Variants in NVL observed in about 807,000 individuals in gnomAD.
NVL encodes nuclear valosin-containing protein-like.
Under a neutral mutation model 110.2 loss-of-function variants are expected in NVL, and 84 were observed. That is an observed-to-expected ratio of 0.76 (90% confidence interval 0.64 to 0.91). NVL has a LOEUF of 0.91. NVL is among the 40% of genes least tolerant of loss of function. The pLI is 0.00. For missense variants in NVL, 882 were observed against 1,035.9 expected (o/e 0.85, Z 2.04); for synonymous variants, 354 against 361.1 (o/e 0.98, Z 0.22).
At chr1:224,280,360 C>T (rs1666204807) in intron 16 of NVL, among the ~76,000 whole-genome samples, 1 of 152,052 alleles carries the variant, frequency 6.6e-6, no homozygotes, top group Non-Finnish European at 1.5e-5. Flanking sequence ...AACATCCAAA[C>T]TTTAGCTTGG....
At chr1:224,266,294 C>T (rs1277360298) in intron 18 of NVL, among the ~76,000 whole-genome samples, 1 of 152,176 alleles carries the variant, frequency 6.6e-6, no homozygotes, top group Non-Finnish European at 1.5e-5. Flanking sequence ...TTTTGCTATA[C>T]AAAATGCTTT....
intron 18 of NVL, among the ~76,000 whole-genome samples, chr1:224,252,612 T>A (rs1662629678): frequency 6.6e-6 from 1 of 152,198 alleles, no homozygotes; most frequent in Non-Finnish European, 1.5e-5. Context: ...ATACTTATTA[T>A]TCAATGGTTT....
intron 18 of NVL, among the ~76,000 whole-genome samples, chr1:224,259,550 C>T (rs1014981109): frequency 1.3e-5 from 2 of 152,168 alleles, no homozygotes; most frequent in Non-Finnish European, 2.9e-5. Flanking sequence ...AGACTAGCAA[C>T]ACTATAAATA....
chr1:224,327,049 G>A (rs1383044936), intron 1 of NVL, among the ~76,000 whole-genome samples: 1 of 152,146 alleles, frequency 6.6e-6, no homozygotes, highest in East Asian at 1.9e-4. Context: ...AGGCCAAGGT[G>A]GGAGATCGCT....
At position 224,289,744 on chromosome 1, in the gene NVL, G is replaced by A. The variant is rs781351384; in HGVS notation, c.1326-11C>T. 172 of 1,590,908 alleles carry A rather than the reference G, an allele frequency of 1.1e-4. No individual in the cohort carries two copies. The highest frequency in any genetic ancestry group is 1.2e-4 in the Non-Finnish European group (145 of 1,167,202). ...AATGTTTGAAGTATTCTGTAGAAAA[G>A]ACAGGGGAAAAAATTTCTGATTCCT... On this transcript the variant is annotated splice_polypyrimidine_tract_variant and intron_variant, in intron 12 of 22. Transcript: ENST00000281701.
At chr1:224,294,246 C>T in intron 12 of NVL, 21 bp downstream of exon 12, 1 of 1,613,714 alleles carries the variant, frequency 6.2e-7, no homozygotes, top group East Asian at 2.2e-5. Context: ...GGCATACAAA[C>T]TTCATTCTAT....
chr1:224,250,860 T>C (rs1445155420), intron 18 of NVL, among the ~76,000 whole-genome samples: 1 of 152,222 alleles, frequency 6.6e-6, no homozygotes, highest in African/African-American at 2.4e-5. Flanking sequence ...TTTCGCTATG[T>C]TGCCCAGGCT....
chr1:224,249,582 A>C (rs1194447787), intron 19 of NVL, among the ~76,000 whole-genome samples: 1 of 152,116 alleles, frequency 6.6e-6, no homozygotes, highest in Admixed American at 6.5e-5. Context: ...GTCTCTACTA[A>C]AAAACACAAA....
intron 19 of NVL, among the ~76,000 whole-genome samples, chr1:224,242,826 G>GTTTT (rs35271187): frequency 8.0e-6 from 1 of 124,620 alleles, no homozygotes; most frequent in Non-Finnish European, 1.7e-5. Context: ...ATTAATGCTT[G>GTTTT]TTTTTTTTTT....
At chr1:224,284,057 A>G (rs901585272) in intron 15 of NVL, among the ~76,000 whole-genome samples, 1 of 152,202 alleles carries the variant, frequency 6.6e-6, no homozygotes, top group Non-Finnish European at 1.5e-5. Flanking sequence ...TTATGGATGT[A>G]ATATTATACA....
chr1:224,250,856 TA>T (rs1662395090), intron 18 of NVL, among the ~76,000 whole-genome samples: 1 of 152,186 alleles, frequency 6.6e-6, no homozygotes, highest in Non-Finnish European at 1.5e-5. Context: ...AGGATTTCGC[TA>T]TGTTGCCCAG....
At chr1:224,303,653 A>G in intron 9 of NVL, 70 bp downstream of exon 9, 1 of 1,536,636 alleles carries the variant, frequency 6.5e-7, no homozygotes, top group South Asian at 1.2e-5. Context: ...TAAGTTGACC[A>G]AAGAGAAAAA....
intron 18 of NVL, among the ~76,000 whole-genome samples, chr1:224,266,147 T>C (rs574980717): frequency 3.3e-5 from 5 of 152,316 alleles, no homozygotes; most frequent in South Asian, 4.1e-4. Context: ...AGGATGATCA[T>C]ATACTGGAAA....
intron 18 of NVL, among the ~76,000 whole-genome samples, chr1:224,258,337 C>G (rs981607903): frequency 6.6e-6 from 1 of 152,008 alleles, no homozygotes; most frequent in Non-Finnish European, 1.5e-5. Flanking sequence ...AATGAAATAC[C>G]ACCTCACATC....
intron 18 of NVL, among the ~76,000 whole-genome samples, chr1:224,260,352 G>A (rs887546364): frequency 6.6e-6 from 1 of 151,920 alleles, no homozygotes; most frequent in African/African-American, 2.4e-5. Context: ...TCCACCTCCC[G>A]AGTTCCAGCG....
intron 18 of NVL, among the ~76,000 whole-genome samples, chr1:224,250,714 C>T (rs1662377064): frequency 6.6e-6 from 1 of 151,806 alleles, no homozygotes; most frequent in Non-Finnish European, 1.5e-5. Flanking sequence ...CTCAACCGCT[C>T]CCACTCTTTC....
At chr1:224,304,688 T>G in intron 8 of NVL, 48 bp downstream of exon 8, 1 of 1,446,962 alleles carries the variant, frequency 6.9e-7, no homozygotes. Context: ...TCCTCATAAC[T>G]GATTAGTAAT....
chr1:224,255,033 A>G (rs1406424973), intron 18 of NVL, among the ~76,000 whole-genome samples: 5 of 150,440 alleles, frequency 3.3e-5, no homozygotes. Flanking sequence ...CACCACACTC[A>G]GCTACTTTTT....
intron 2 of NVL, among the ~76,000 whole-genome samples, chr1:224,323,445 G>A (rs1670848779): frequency 6.6e-6 from 1 of 152,172 alleles, no homozygotes; most frequent in African/African-American, 2.4e-5. Flanking sequence ...ATTTGCTAAA[G>A]CGATTACCAG....
Sources: gnomAD v4.1 joint callset for allele counts (sites outside exome capture counted in the v4.1 genomes callset) on GRCh38, gnomAD v4.1.1 for gene constraint, MANE v1.5 for transcripts, NCBI Gene and HGNC (gene_info 2026-07-23, HGNC 2026-07-21) for gene names.